The following RNF216 variants were observed in gnomAD, a reference collection of about 807,000 sequenced individuals.
RNF216 encodes ring finger protein 216, also known as E3 ubiquitin-protein ligase RNF216.
Under a neutral mutation model 110.8 loss-of-function variants are expected in RNF216, and 72 were observed. That is an observed-to-expected ratio of 0.65 (90% CI 0.54 to 0.79). The LOEUF is 0.79. RNF216 is among the 30% of genes least tolerant of loss of function. The pLI, the probability that RNF216 is intolerant of heterozygous loss-of-function variation, is 0.00. For missense variants in RNF216, 1,342 were observed against 1,141.2 expected (o/e 1.18, Z -2.54); for synonymous variants, 495 against 407.5 (o/e 1.21, Z -2.59).
At chr7:5,752,663 A>G (rs921674074) in intron 3 of RNF216, among the ~76,000 whole-genome samples, 183 bp downstream of exon 3, 2 of 152,220 alleles carry the variant, frequency 1.3e-5, no homozygotes, top group African/African-American at 4.8e-5. Context: ...CAGATATTCA[A>G]TCCAGAAACA....
chr7:5,760,641 T>C (rs1795885862), intron 2 of RNF216: 1 of 313,976 alleles, frequency 3.2e-6, no homozygotes, highest in African/African-American at 2.2e-5. Context: ...AAGACAAGAC[T>C]GGTTCAGCAA....
chr7:5,709,591 T>C (rs7800691), intron 13 of RNF216, among the ~76,000 whole-genome samples: 124,552 of 152,072 alleles, frequency 0.82, 52,940 homozygotes, highest in Middle Eastern at 0.92. Context: ...ATGGCTACCT[T>C]CAAGTTCAGC....
intron 13 of RNF216, among the ~76,000 whole-genome samples, chr7:5,653,777 C>T (rs1432183811): frequency 2.0e-5 from 3 of 151,928 alleles, no homozygotes; most frequent in Non-Finnish European, 4.4e-5. Context: ...GAAGTGAGGC[C>T]TGAGATCCAA....
chr7:5,707,568 GA>G (rs1307383132), intron 13 of RNF216, among the ~76,000 whole-genome samples: 1 of 152,004 alleles, frequency 6.6e-6, no homozygotes, highest in Non-Finnish European at 1.5e-5. Flanking sequence ...TGTTATCTGT[GA>G]ACTTGCACGG....
At chr7:5,721,351 C>T (rs183715705) in intron 8 of RNF216, among the ~76,000 whole-genome samples, 179 bp from the exon 9 acceptor site, 1 of 152,278 alleles carries the variant, frequency 6.6e-6, no homozygotes, top group Non-Finnish European at 1.5e-5. Flanking sequence ...GCCAACCTAC[C>T]ATCCATTTTT....
intron 3 of RNF216, among the ~76,000 whole-genome samples, chr7:5,750,992 G>C (rs962350934): frequency 1.3e-5 from 2 of 152,200 alleles, no homozygotes; most frequent in Non-Finnish European, 2.9e-5. Context: ...GTTAAAACAA[G>C]GTAGACTCCT....
intron 15 of RNF216, among the ~76,000 whole-genome samples, chr7:5,640,906 GCA>G (rs772572280): frequency 5.3e-5 from 8 of 152,192 alleles, no homozygotes; most frequent in Non-Finnish European, 5.9e-5. Flanking sequence ...ATTTCAGAGG[GCA>G]CAGAGTTTTA....
At chr7:5,729,640 T>C (rs1793970361) in intron 6 of RNF216, 44 bp from the exon 7 acceptor site, 4 of 1,496,820 alleles carry the variant, frequency 2.7e-6, no homozygotes, top group Non-Finnish European at 3.7e-6. Context: ...AGGCAGTACA[T>C]TTCCCATACA....
intron 1 of RNF216, among the ~76,000 whole-genome samples, chr7:5,762,873 G>A (rs977461681): frequency 1.3e-5 from 2 of 152,134 alleles, no homozygotes; most frequent in African/African-American, 2.4e-5. Flanking sequence ...GACAAAACAT[G>A]AACATATGTT....
intron 16 of RNF216, among the ~76,000 whole-genome samples, 169 bp downstream of exon 16, chr7:5,623,887 T>A (rs1397070270): frequency 6.6e-6 from 1 of 152,152 alleles, no homozygotes; most frequent in African/African-American, 2.4e-5. Context: ...GGCCTTTCCA[T>A]AAGCCTGAGA....
intron 1 of RNF216, among the ~76,000 whole-genome samples, chr7:5,778,829 C>T (rs770742349): frequency 3.9e-5 from 6 of 152,210 alleles, no homozygotes; most frequent in Admixed American, 1.3e-4. Flanking sequence ...CTGCAACCTC[C>T]GCCTCCCGAG....
In RNF216 at chr7:5,623,282, C is replaced by T. The variant is rs1786505815; in HGVS notation, c.2453-103G>A. 1.1e-5 allele frequency: 12 copies of T among 1,047,848 alleles called. No homozygotes were observed. In the South Asian group the frequency reaches 1.7e-4, roughly 15 times the overall value. The allele number at this position is 1,047,848 out of a possible 1,614,324, so 64.9% of individuals were successfully genotyped here. A position where few individuals can be genotyped will look rare whatever the true frequency, so the allele number is the denominator to read the frequency against. ...ACCTCTGGACACGGGAGTGGCTCCA[C>T]ATGCTGATCAAAGCACAAAACGTGG... On this transcript the variant is annotated intron_variant, in intron 16 of 16. Transcript: ENST00000389902.
intron 13 of RNF216, among the ~76,000 whole-genome samples, chr7:5,698,738 C>T (rs944055686): frequency 6.6e-6 from 1 of 152,120 alleles, no homozygotes; most frequent in Non-Finnish European, 1.5e-5. Flanking sequence ...CCCAGAGAAG[C>T]TGGAAAACAC....
Position 5,761,013 on chromosome 7 carries a change from A to G in RNF216, c.57T>C (p.His19=), listed in dbSNP as rs746725067. The change falls in exon 2 of 17, where the codon CAT becomes CAC. Residue 19 remains histidine, a synonymous_variant. Transcript: ENST00000389902. ...GAACAAACAACTTACCTTGTCCCCG[A>G]TGGCAGTGAAAGTTGTTCAAGTGAA... The part of the protein sequence containing the change: ...EVIHLNNFHC[H]RGQEWINLRD... The G allele has an allele frequency of 1.3e-6, 2 of 1,573,614 alleles. No individual in the cohort carries two copies. Among genetic ancestry groups the G allele is most frequent in the South Asian group, 2.4e-5 (2 of 83,876 alleles).
intron 1 of RNF216, among the ~76,000 whole-genome samples, chr7:5,772,148 G>T (rs1198598912): frequency 6.6e-6 from 1 of 151,692 alleles, no homozygotes; most frequent in Non-Finnish European, 1.5e-5. Flanking sequence ...CAGGAGAATC[G>T]TTTGAACCCG....
At chr7:5,637,876 T>C (rs753149432) in intron 15 of RNF216, among the ~76,000 whole-genome samples, 2 of 152,220 alleles carry the variant, frequency 1.3e-5, no homozygotes, top group African/African-American at 2.4e-5. Flanking sequence ...GATCAAGTCT[T>C]GTTCTGTTGT....
At chr7:5,697,600 A>C (rs1791707982) in intron 13 of RNF216, among the ~76,000 whole-genome samples, 2 of 152,186 alleles carry the variant, frequency 1.3e-5, no homozygotes, top group African/African-American at 4.8e-5. Flanking sequence ...GGCTGGCCTC[A>C]GCCTCCTGTG....
intron 5 of RNF216, 31 bp downstream of exon 5, chr7:5,739,245 C>G: frequency 6.6e-7 from 1 of 1,505,888 alleles, no homozygotes; most frequent in South Asian, 1.4e-5. Context: ...CCACCACCAC[C>G]ACCACAAAAA....
intron 5 of RNF216, among the ~76,000 whole-genome samples, chr7:5,734,040 T>C (rs1794246596): frequency 1.3e-5 from 2 of 152,030 alleles, no homozygotes; most frequent in Non-Finnish European, 2.9e-5. Context: ...AAAAAGAAAG[T>C]ATTTTAAAAG....
Sources: gnomAD v4.1 joint callset for allele counts (sites outside exome capture counted in the v4.1 genomes callset) on GRCh38, gnomAD v4.1.1 for gene constraint, MANE v1.5 for transcripts, NCBI Gene and HGNC (gene_info 2026-07-23, HGNC 2026-07-21) for gene names.